The following SPC25 variants were observed in gnomAD, a reference collection of about 807,000 sequenced individuals.
The protein encoded by SPC25 is SPC25 component of NDC80 kinetochore complex.
In SPC25, 22 loss-of-function variants were observed where a neutral mutation model predicts 29.6. That is an observed-to-expected ratio of 0.74 (90% CI 0.53 to 1.06). The LOEUF (loss-of-function observed/expected upper bound fraction) is 1.06. Ranked by LOEUF, SPC25 falls within the 50% of genes least tolerant of loss-of-function variation. SPC25 has a pLI of 0.00. For synonymous variants in SPC25, 91 were observed against 90.4 expected (o/e 1.01, Z -0.04); for missense variants, 230 against 255.8 (o/e 0.90, Z 0.69).
chr2:168,888,573 A>G (rs1400992016), intron 3 of SPC25, among the ~76,000 whole-genome samples: 1 of 152,006 alleles, frequency 6.6e-6, no homozygotes, highest in East Asian at 1.9e-4. Flanking sequence ...ACCCTGTCTC[A>G]AAAAATGACA....
chr2:168,885,930 C>T (rs1410682589), intron 3 of SPC25, among the ~76,000 whole-genome samples: 1 of 152,054 alleles, frequency 6.6e-6, no homozygotes, highest in Non-Finnish European at 1.5e-5. Context: ...GGGCTTAGCA[C>T]ATGGTATACA....
chr2:168,879,097 G>A (rs982656030), intron 3 of SPC25, among the ~76,000 whole-genome samples: 2 of 152,150 alleles, frequency 1.3e-5, no homozygotes, highest in South Asian at 4.1e-4. Context: ...GCAGGGGGAG[G>A]GTCTTGCCTT....
downstream of SPC25, among the ~76,000 whole-genome samples, chr2:168,868,703 G>T (rs1689918455): frequency 6.6e-6 from 1 of 152,174 alleles, no homozygotes; most frequent in Non-Finnish European, 1.5e-5. Context: ...CTGAAATTGA[G>T]GCAATAATTA....
downstream of SPC25, among the ~76,000 whole-genome samples, chr2:168,867,370 A>C (rs563955663): frequency 1.6e-4 from 24 of 152,198 alleles, no homozygotes; most frequent in Admixed American, 2.6e-4. Flanking sequence ...GACAGGACCA[A>C]ATTCACACAT....
chr2:168,884,524 CT>C (rs1016811661), intron 3 of SPC25, among the ~76,000 whole-genome samples: 29 of 152,124 alleles, frequency 1.9e-4, no homozygotes, highest in African/African-American at 6.8e-4. Context: ...GAATGAATTC[CT>C]TCCATCTTTC....
At position 168,877,237 on chromosome 2, in the gene SPC25, C is replaced by G. The variant is rs764966433; in HGVS notation, c.346+1G>C. The G allele has an allele frequency of 1.2e-6, 2 of 1,612,450 alleles. No individual in the cohort carries two copies. The highest frequency in any genetic ancestry group is 3.3e-5 in the Admixed American group (2 of 59,746). ...CAGTATGTTTATAAGAGGAAACTTACTTTCCTTCTTCCTAGAATATTCTTC... is the reference window on the plus strand; with the variant it reads ...CAGTATGTTTATAAGAGGAAACTTAGTTTCCTTCTTCCTAGAATATTCTTC... On this transcript the variant is annotated splice_donor_variant, in intron 4 of 6. Coordinates refer to ENST00000282074, the MANE Select transcript of SPC25 (RefSeq NM_020675.4). LOFTEE classifies it high-confidence loss of function.
chr2:168,883,459 T>C (rs1374756654), intron 3 of SPC25, among the ~76,000 whole-genome samples: 4 of 152,180 alleles, frequency 2.6e-5, no homozygotes, highest in Non-Finnish European at 5.9e-5. Context: ...AAAAATTAAG[T>C]AGAATTGTAC....
At chr2:168,884,964 A>T (rs994759124) in intron 3 of SPC25, 6 of 152,006 alleles carry the variant, frequency 3.9e-5, no homozygotes, top group African/African-American at 1.5e-4. Context: ...ACCTTCTTTC[A>T]CTCTACATAT....
intron 4 of SPC25, among the ~76,000 whole-genome samples, chr2:168,862,392 T>TTGAC (rs1689518986): frequency 1.3e-5 from 2 of 152,196 alleles, no homozygotes; most frequent in Non-Finnish European, 2.9e-5. Flanking sequence ...CAACACAAGA[T>TTGAC]TTGAACTTGG....
intron 4 of SPC25, chr2:168,864,991 A>G: frequency 6.2e-7 from 1 of 1,612,754 alleles, no homozygotes; most frequent in African/African-American, 1.3e-5. Flanking sequence ...TGAACATACT[A>G]CCTTCACACT....
chr2:168,872,456 G>T (rs766337175), intron 6 of SPC25, among the ~76,000 whole-genome samples: 10 of 152,160 alleles, frequency 6.6e-5, no homozygotes, highest in Non-Finnish European at 1.3e-4. Context: ...GTATGTAGTT[G>T]TACCAGCTGG....
intron 4 of SPC25, chr2:168,861,867 C>A: frequency 9.0e-7 from 1 of 1,115,360 alleles, no homozygotes; most frequent in South Asian, 1.4e-5. Flanking sequence ...TATATTGAAA[C>A]TCTGCATCAC....
In SPC25 at chr2:168,889,516, C is replaced by T. The variant is rs1318994777; in HGVS notation, c.4G>A (p.Val2Ile). 1 of 1,613,046 alleles carries T rather than the reference C, an allele frequency of 6.2e-7. No homozygotes were observed. The highest frequency in any genetic ancestry group is 8.5e-7 in the Non-Finnish European group (1 of 1,179,648). Residue 2 changes from valine to isoleucine, a missense_variant, in exon 2 of 7, where the codon GTA becomes ATA. By Grantham distance (29) the Val-to-Ile change is conservative. Coordinates refer to ENST00000282074, the MANE Select transcript of SPC25 (RefSeq NM_020675.4). Reference sequence around the variant, plus strand: ...TCGAAAAGTGCCAGTTCGTCCTCTACCATTATGTAGGACAATGCTAAAAAC... The same window carrying T: ...TCGAAAAGTGCCAGTTCGTCCTCTATCATTATGTAGGACAATGCTAAAAAC... M[V>I]EDELALFDKS...
chr2:168,889,543 G>A lies in SPC25; in HGVS notation c.-14-10C>T, dbSNP rs371003963. The stretch of plus-strand genomic sequence containing the variant: ...ATTATGTAGGACAATGCTAAAAACA[G>A]AATACATATTGCATTTTTTAAGTTA... On this transcript the variant is annotated splice_polypyrimidine_tract_variant and intron_variant, in intron 1 of 6. Transcript: ENST00000282074. 2 of 1,605,744 alleles carry A rather than the reference G, an allele frequency of 1.2e-6. No homozygotes were observed. Among genetic ancestry groups the A allele is most frequent in the African/African-American group, 2.7e-5 (2 of 74,784 alleles).
chr2:168,888,447 T>C (rs1030167129), intron 3 of SPC25, among the ~76,000 whole-genome samples: 1 of 151,992 alleles, frequency 6.6e-6, no homozygotes, highest in Non-Finnish European at 1.5e-5. Flanking sequence ...CCCAGCTACT[T>C]GGGAGGCTGA....
In SPC25 at chr2:168,881,224, T is replaced by C. The variant is rs116610043; in HGVS notation, c.200-3840A>G. 7.5e-3 allele frequency among the ~76,000 whole-genome samples: 1,141 copies of C among 152,324 alleles called. 20 individuals carry two copies. Among genetic ancestry groups the C allele is most frequent in the African/African-American group, 0.026 (1,076 of 41,564 alleles). Reference sequence around the variant, plus strand: ...TTGGCTTTAATCTCTCTACCTTCCCTGCCTTCCCCATGTCCCTGTCACTCT... The same window carrying C: ...TTGGCTTTAATCTCTCTACCTTCCCCGCCTTCCCCATGTCCCTGTCACTCT... On this transcript the variant is annotated intron_variant, in intron 3 of 6. Coordinates refer to ENST00000282074, the MANE Select transcript of SPC25 (RefSeq NM_020675.4).
chr2:168,879,170 T>C (rs1690134841), intron 3 of SPC25, among the ~76,000 whole-genome samples: 1 of 152,194 alleles, frequency 6.6e-6, no homozygotes, highest in Non-Finnish European at 1.5e-5. Context: ...GCTGTGGCAA[T>C]TTATTATAAT....
chr2:168,864,732 C>A, intron 4 of SPC25: 2 of 1,355,200 alleles, frequency 1.5e-6, no homozygotes, highest in Non-Finnish European at 1.0e-6. Flanking sequence ...ATGACACTAC[C>A]AAGTAAATCC....
intron 4 of SPC25, among the ~76,000 whole-genome samples, chr2:168,876,592 AG>A (rs1690090423): frequency 2.0e-5 from 2 of 98,710 alleles, no homozygotes; most frequent in Non-Finnish European, 3.9e-5. Flanking sequence ...ATGCTAGTTT[AG>A]TTTTTTCTTT....
Sources: gnomAD v4.1 joint callset for allele counts (sites outside exome capture counted in the v4.1 genomes callset) on GRCh38, gnomAD v4.1.1 for gene constraint, MANE v1.5 for transcripts, NCBI Gene and HGNC (gene_info 2026-07-23, HGNC 2026-07-21) for gene names.